PSPH: variants seen among roughly 807,000 people sequenced by gnomAD.
PSPH encodes L-3-phosphoserine phosphatase.
Under a neutral mutation model 23.4 loss-of-function variants are expected in PSPH, and 16 were observed. The observed-to-expected ratio is 0.68, with a 90% CI of 0.46 to 1.04. The LOEUF (loss-of-function observed/expected upper bound fraction) is 1.04. Ranked by LOEUF, PSPH falls within the 50% of genes least tolerant of loss-of-function variation. The pLI is 0.00. For synonymous variants in PSPH, 68 were observed against 99.7 expected (o/e 0.68, Z 1.89); for missense variants, 223 against 273.7 (o/e 0.81, Z 1.31).
chr7:56,051,424 C>T lies in PSPH; in HGVS notation c.-578G>A, dbSNP rs560022419. ...ACGGCACCTAGGGCACCGTCGAGCA[C>T]ACGGTCCGGGAAGCTCCAATGAAAC... On this transcript the variant is annotated 5_prime_UTR_variant, in exon 1 of 8. In the 5' UTR this introduces an upstream ATG that the reference lacks. Transcript: ENST00000275605. 31 of 207,622 alleles carry T rather than the reference C, an allele frequency of 1.5e-4. No homozygotes were observed. The highest frequency in any genetic ancestry group is 6.7e-4 in the African/African-American group (28 of 42,016). The allele number at this position is 207,622 out of a possible 1,614,324, so 12.9% of individuals were successfully genotyped here.
chr7:56,032,304 G>C (rs1283262251), intron 2 of PSPH, among the ~76,000 whole-genome samples: 1 of 152,096 alleles, frequency 6.6e-6, no homozygotes, highest in Non-Finnish European at 1.5e-5. Flanking sequence ...CACCTGATTA[G>C]CAGGGTACAA....
chr7:56,044,959 C>T (rs565649524), intron 1 of PSPH, among the ~76,000 whole-genome samples: 102 of 151,460 alleles, frequency 6.7e-4, no homozygotes, highest in Middle Eastern at 3.4e-3. Context: ...GTAATCCCAG[C>T]TACTCGGGAG....
intron 1 of PSPH, among the ~76,000 whole-genome samples, chr7:56,050,613 G>C (rs1793904936): frequency 6.6e-6 from 1 of 152,072 alleles, no homozygotes; most frequent in African/African-American, 2.4e-5. Flanking sequence ...CTGTTACCGA[G>C]GACTTCCCAT....
At chr7:56,041,272 G>T (rs1792504102) in intron 1 of PSPH, among the ~76,000 whole-genome samples, 1 of 149,588 alleles carries the variant, frequency 6.7e-6, no homozygotes, top group African/African-American at 2.5e-5. Flanking sequence ...GAGTGCAGTG[G>T]CACAATCTCA....
In PSPH at chr7:56,033,961, C is replaced by T. The variant is rs913261759; in HGVS notation, c.-146G>A. The T allele has an allele frequency of 6.6e-6, 1 of 152,224 alleles. No individual in the cohort carries two copies. Among genetic ancestry groups the T allele is most frequent in the South Asian group, 2.1e-4 (1 of 4,836 alleles). The allele number at this position is 152,224 out of a possible 1,614,324, so 9.4% of individuals were successfully genotyped here. ...AGGGAAGGCACAAGCCGGGACTTACCCTGTGTCCTGGGCCTCCGGGGCTCC... is the reference window on the plus strand; with the variant it reads ...AGGGAAGGCACAAGCCGGGACTTACTCTGTGTCCTGGGCCTCCGGGGCTCC... On this transcript the variant is annotated splice_region_variant and 5_prime_UTR_variant, in exon 2 of 8. Coordinates refer to ENST00000275605, the MANE Select transcript of PSPH (RefSeq NM_004577.4).
At chr7:56,029,852 A>G (rs1790707569) in intron 3 of PSPH, among the ~76,000 whole-genome samples, 1 of 151,952 alleles carries the variant, frequency 6.6e-6, no homozygotes, top group South Asian at 2.1e-4. Flanking sequence ...GAAAGAGTAC[A>G]AAGTATAGCC....
chr7:56,029,862 C>G (rs150418719), intron 3 of PSPH, among the ~76,000 whole-genome samples: 86 of 151,368 alleles, frequency 5.7e-4, no homozygotes, highest in African/African-American at 1.9e-3. Context: ...AAAGTATAGC[C>G]GGGCGTGGGG....
chr7:56,019,872 C>CAGT, intron 4 of PSPH, 138 bp from the exon 5 acceptor site: 1 of 1,120,010 alleles, frequency 8.9e-7, no homozygotes, highest in South Asian at 1.3e-5. Flanking sequence ...ACAGGCTTTG[C>CAGT]TACTAGGAGA....
intron 1 of PSPH, among the ~76,000 whole-genome samples, chr7:56,050,818 A>G (rs1793940686): frequency 6.6e-6 from 1 of 152,120 alleles, no homozygotes; most frequent in Non-Finnish European, 1.5e-5. Flanking sequence ...AAGTGGGAGG[A>G]AGATTTAATT....
At chr7:56,042,503 T>A (rs1792679097) in intron 1 of PSPH, among the ~76,000 whole-genome samples, 1 of 151,782 alleles carries the variant, frequency 6.6e-6, no homozygotes, top group Non-Finnish European at 1.5e-5. Flanking sequence ...ATCAAAAAAT[T>A]ATCCAGGTGT....
chr7:56,017,122 T>A (rs1337665340), intron 6 of PSPH, 112 bp downstream of exon 6: 10 of 1,539,906 alleles, frequency 6.5e-6, no homozygotes, highest in Non-Finnish European at 8.9e-6. Flanking sequence ...GAACCATTCA[T>A]CTCAATATTT....
chr7:56,017,129 A>G (rs1788664398), intron 6 of PSPH, 105 bp downstream of exon 6: 1 of 1,559,984 alleles, frequency 6.4e-7, no homozygotes, highest in Non-Finnish European at 8.8e-7. Flanking sequence ...TCATCTCAAT[A>G]TTTAACTCTG....
chr7:56,014,993 T>C, intron 7 of PSPH, 30 bp downstream of exon 7: 3 of 1,576,586 alleles, frequency 1.9e-6, no homozygotes, highest in Non-Finnish European at 2.6e-6. Context: ...AAGTACAACC[T>C]GAAAAAAAAT....
intron 3 of PSPH, among the ~76,000 whole-genome samples, chr7:56,029,992 GAA>G (rs57929950): frequency 1.1e-3 from 141 of 122,992 alleles, no homozygotes; most frequent in East Asian, 4.6e-3. Context: ...AAAAAAAAAA[GAA>G]AAAAAAAAAA....
chr7:56,037,706 ATTTTTTTTTTT>A (rs71015167), intron 1 of PSPH, among the ~76,000 whole-genome samples: 1 of 115,304 alleles, frequency 8.7e-6, no homozygotes, highest in Non-Finnish European at 1.7e-5. Context: ...AAGCTAACAA[ATTTTTTTTTTT>A]TTTTTTTTTT....
chr7:56,028,801 A>T (rs542181237), intron 3 of PSPH, among the ~76,000 whole-genome samples: 1 of 151,482 alleles, frequency 6.6e-6, no homozygotes, highest in Non-Finnish European at 1.5e-5. Context: ...TACACTTTTG[A>T]TTTCCTCCTT....
intron 3 of PSPH, among the ~76,000 whole-genome samples, chr7:56,029,287 T>C (rs1291884097): frequency 1.3e-5 from 2 of 152,088 alleles, no homozygotes; most frequent in Admixed American, 6.6e-5. Context: ...GAATGGACTC[T>C]GGATTCTTCG....
At chr7:56,039,534 T>G (rs1792200757) in intron 1 of PSPH, among the ~76,000 whole-genome samples, 1 of 152,058 alleles carries the variant, frequency 6.6e-6, no homozygotes, top group Non-Finnish European at 1.5e-5. Flanking sequence ...TCCCAGCACT[T>G]TGGGAGGCCA....
chr7:56,048,208 A>C (rs1368357261), intron 1 of PSPH, among the ~76,000 whole-genome samples: 1 of 151,250 alleles, frequency 6.6e-6, no homozygotes, highest in African/African-American at 2.4e-5. Context: ...GAACCCGAGG[A>C]GGCGGAGGCT....
Sources: gnomAD v4.1 joint callset for allele counts (sites outside exome capture counted in the v4.1 genomes callset) on GRCh38, gnomAD v4.1.1 for gene constraint, MANE v1.5 for transcripts, NCBI Gene and HGNC (gene_info 2026-07-23, HGNC 2026-07-21) for gene names.